The following DPP10 variants were observed in gnomAD, a reference collection of about 807,000 sequenced individuals.
DPP10 encodes dipeptidyl peptidase like 10.
In DPP10, 33 loss-of-function variants were observed where a neutral mutation model predicts 120.9. That is an observed-to-expected ratio of 0.27 (90% confidence interval 0.21 to 0.37). The LOEUF is 0.37. Ranked by LOEUF, DPP10 falls within the 10% of genes least tolerant of loss-of-function variation. DPP10 has a pLI of 1.00. For missense variants in DPP10, 816 were observed against 942.8 expected, an observed-to-expected ratio of 0.87 and a Z score of 1.76; for synonymous variants, 337 against 326.1, an observed-to-expected ratio of 1.03 and a Z score of -0.36.
At position 115,403,887 on chromosome 2, in the gene DPP10, T is replaced by C. The variant is rs184048987; in HGVS notation, c.271+59975T>C. The stretch of plus-strand genomic sequence containing the variant: ...AAAACTATTAGAACTGATCAATGAA[T>C]GCACTAGAGTTGCAACATTCAAAAT... On this transcript the variant is annotated intron_variant, in intron 3 of 25. Transcript: ENST00000410059. Among the ~76,000 whole-genome samples, 30 of 152,326 alleles carry C rather than the reference T, an allele frequency of 2.0e-4. No individual in the cohort carries two copies. In the East Asian group the frequency reaches 5.4e-3, roughly 27 times the overall value.
intron 9 of DPP10, among the ~76,000 whole-genome samples, chr2:115,744,218 A>G (rs1046485686): frequency 1.3e-4 from 19 of 150,316 alleles, no homozygotes; most frequent in African/African-American, 3.9e-4. Flanking sequence ...GATTGATGCT[A>G]CGGTCCAAGA....
intron 13 of DPP10, 66 bp downstream of exon 13, chr2:115,768,470 G>T (rs1474135567): frequency 2.1e-6 from 3 of 1,431,702 alleles, no homozygotes; most frequent in Non-Finnish European, 1.9e-6. Flanking sequence ...CCCAGTTCTT[G>T]TGGCATTCTA....
chr2:114,450,476 A>G (rs1344040954), intron 1 of DPP10, among the ~76,000 whole-genome samples: 1 of 152,028 alleles, frequency 6.6e-6, no homozygotes, highest in Non-Finnish European at 1.5e-5. Flanking sequence ...TATCTGCCAC[A>G]TAGCAGGAGC....
chr2:114,928,985 T>G (rs1695853522), intron 1 of DPP10, among the ~76,000 whole-genome samples: 1 of 152,100 alleles, frequency 6.6e-6, no homozygotes, highest in Admixed American at 6.6e-5. Context: ...TTTCCCTAAG[T>G]GTCAGCTGGT....
intron 24 of DPP10, among the ~76,000 whole-genome samples, chr2:115,838,087 G>A (rs1479078827): frequency 6.6e-6 from 1 of 152,138 alleles, no homozygotes; most frequent in Non-Finnish European, 1.5e-5. Context: ...TTAACAATGG[G>A]GAAACTGGAG....
In DPP10 at chr2:115,793,021, C is replaced by A. The variant is rs146328669; in HGVS notation, c.1700+1665C>A. Among the ~76,000 whole-genome samples, 101 of 152,342 alleles carry A rather than the reference C, an allele frequency of 6.6e-4. 2 individuals are homozygous for A. The highest frequency in any genetic ancestry group is 2.3e-3 in the African/African-American group (95 of 41,586). On this transcript the variant is annotated intron_variant, in intron 19 of 25. Transcript: ENST00000410059. ...AAAACCGAATAAGAGTTAACAGAATCTCTTTGTTTTCTGAAACAGATAAGC... is the reference window on the plus strand; with the variant it reads ...AAAACCGAATAAGAGTTAACAGAATATCTTTGTTTTCTGAAACAGATAAGC...
chr2:115,608,612 T>C (rs1405913326), intron 5 of DPP10, among the ~76,000 whole-genome samples: 1 of 152,142 alleles, frequency 6.6e-6, no homozygotes, highest in East Asian at 1.9e-4. Flanking sequence ...GGATCATCAT[T>C]CCTCAAACTA....
At chr2:115,386,425 G>C (rs1257235306) in intron 3 of DPP10, among the ~76,000 whole-genome samples, 3 of 152,298 alleles carry the variant, frequency 2.0e-5, no homozygotes, top group Non-Finnish European at 4.4e-5. Context: ...GATGAGTGAT[G>C]ATGGTTAGAA....
At chr2:115,731,142 G>T (rs1056662151) in intron 8 of DPP10, among the ~76,000 whole-genome samples, 4 of 152,106 alleles carry the variant, frequency 2.6e-5, no homozygotes, top group African/African-American at 7.2e-5. Context: ...GGTGGATCAT[G>T]AGGTCAGGAG....
intron 1 of DPP10, among the ~76,000 whole-genome samples, chr2:114,565,307 G>A (rs887801820): frequency 6.6e-6 from 1 of 152,170 alleles, no homozygotes; most frequent in Non-Finnish European, 1.5e-5. Flanking sequence ...CATGAAATAA[G>A]TCCTCAGCAA....
chr2:115,009,921 G>C (rs1381301278), intron 1 of DPP10, among the ~76,000 whole-genome samples: 1 of 152,166 alleles, frequency 6.6e-6, no homozygotes, highest in Admixed American at 6.6e-5. Flanking sequence ...AATGTGGTAT[G>C]ATAAGTACTG....
intron 1 of DPP10, among the ~76,000 whole-genome samples, chr2:114,499,333 T>G (rs974489877): frequency 6.6e-6 from 1 of 152,192 alleles, no homozygotes; most frequent in African/African-American, 2.4e-5. Context: ...GCTGTTAGAA[T>G]GTGTAGATGC....
chr2:114,630,796 A>T (rs1434035693), intron 1 of DPP10, among the ~76,000 whole-genome samples: 1 of 152,112 alleles, frequency 6.6e-6, no homozygotes, highest in Admixed American at 6.5e-5. Context: ...ATTTGTAAGG[A>T]TACTGTGTGC....
chr2:115,643,850 T>C (rs1366188879), intron 5 of DPP10, among the ~76,000 whole-genome samples: 1 of 152,200 alleles, frequency 6.6e-6, no homozygotes, highest in African/African-American at 2.4e-5. Flanking sequence ...TGTCACTGTT[T>C]AGGGCAAATC....
At chr2:114,573,675 G>T (rs550312176) in intron 1 of DPP10, among the ~76,000 whole-genome samples, 57 of 152,272 alleles carry the variant, frequency 3.7e-4, no homozygotes, top group African/African-American at 1.3e-3. Flanking sequence ...AGTTTTAAGG[G>T]CTGCTAGGAA....
chr2:114,829,521 C>T (rs971677024), intron 1 of DPP10, among the ~76,000 whole-genome samples: 10 of 148,066 alleles, frequency 6.8e-5, no homozygotes, highest in African/African-American at 2.5e-4. Context: ...GCGCCTGCCA[C>T]TACACTCAGC....
chr2:114,484,541 T>G (rs1238106165), intron 1 of DPP10, among the ~76,000 whole-genome samples: 1 of 152,192 alleles, frequency 6.6e-6, no homozygotes, highest in African/African-American at 2.4e-5. Flanking sequence ...CCCAATGTGT[T>G]AACTATGTTG....
chr2:115,561,425 T>C (rs1465938526), intron 5 of DPP10, among the ~76,000 whole-genome samples: 1 of 147,596 alleles, frequency 6.8e-6, no homozygotes, highest in South Asian at 2.2e-4. Flanking sequence ...TGCGGTGTTA[T>C]CACGTCCAAA....
At chr2:115,204,410 A>C (rs2055969153) in intron 1 of DPP10, among the ~76,000 whole-genome samples, 1 of 152,198 alleles carries the variant, frequency 6.6e-6, no homozygotes. Context: ...AGAGCAATAG[A>C]TACTACATGG....
Sources: gnomAD v4.1 joint callset for allele counts (sites outside exome capture counted in the v4.1 genomes callset) on GRCh38, gnomAD v4.1.1 for gene constraint, MANE v1.5 for transcripts, NCBI Gene and HGNC (gene_info 2026-07-23, HGNC 2026-07-21) for gene names.